The following LHFPL6 variants were observed in gnomAD, a reference collection of about 807,000 sequenced individuals.
LHFPL6 encodes LHFPL tetraspan subfamily member 6 protein.
In LHFPL6, 9 loss-of-function variants were observed where a neutral mutation model predicts 20.6. The ratio of observed to expected loss-of-function variants is 0.44; its 90% CI spans 0.26 to 0.76. The LOEUF is 0.76. Among genes scored for constraint, LHFPL6 ranks in the 30% least tolerant of loss-of-function variants. The pLI, the probability that LHFPL6 is intolerant of heterozygous loss-of-function variation, is 0.20. For synonymous variants in LHFPL6, 105 were observed against 98.7 expected (o/e 1.06, Z -0.38); for missense variants, 218 against 253.5 (o/e 0.86, Z 0.95).
chr13:39,444,255 T>C (rs1028235762), intron 2 of LHFPL6, among the ~76,000 whole-genome samples: 1 of 152,164 alleles, frequency 6.6e-6, no homozygotes, highest in African/African-American at 2.4e-5. Context: ...AGAGAAATGA[T>C]ATAAAAATGG....
At chr13:39,367,151 T>A (rs1174833350) in intron 3 of LHFPL6, among the ~76,000 whole-genome samples, 1 of 152,186 alleles carries the variant, frequency 6.6e-6, no homozygotes, top group Admixed American at 6.5e-5. Flanking sequence ...TGATTTTGAA[T>A]TAGAACTGGT....
At chr13:39,361,943 T>C (rs1869883492) in intron 3 of LHFPL6, among the ~76,000 whole-genome samples, 1 of 152,172 alleles carries the variant, frequency 6.6e-6, no homozygotes, top group South Asian at 2.1e-4. Flanking sequence ...AGGTAGGGAT[T>C]GATAAACCCA....
intron 3 of LHFPL6, among the ~76,000 whole-genome samples, chr13:39,355,223 G>A (rs1869692360): frequency 6.6e-6 from 1 of 151,878 alleles, no homozygotes; most frequent in Non-Finnish European, 1.5e-5. Flanking sequence ...AGCCAGGAGA[G>A]ATTAGGGGCC....
intron 3 of LHFPL6, among the ~76,000 whole-genome samples, chr13:39,348,618 T>C (rs1197632986): frequency 6.6e-6 from 1 of 152,150 alleles, no homozygotes; most frequent in Non-Finnish European, 1.5e-5. Flanking sequence ...AATCCTCATC[T>C]CAGGATGCAC....
At chr13:39,451,689 T>C (rs180859962) in intron 2 of LHFPL6, among the ~76,000 whole-genome samples, 2 of 152,246 alleles carry the variant, frequency 1.3e-5, no homozygotes, top group African/African-American at 2.4e-5. Flanking sequence ...TATCAGCATA[T>C]GTCTCTACTG....
chr13:39,559,346 C>CAT (rs1871401521), intron 2 of LHFPL6, among the ~76,000 whole-genome samples: 1 of 152,186 alleles, frequency 6.6e-6, no homozygotes, highest in Non-Finnish European at 1.5e-5. Flanking sequence ...TGTTTATTCT[C>CAT]ATGTGACTGA....
chr13:39,491,446 C>T (rs1290535354), intron 2 of LHFPL6, among the ~76,000 whole-genome samples: 1 of 152,156 alleles, frequency 6.6e-6, no homozygotes, highest in East Asian at 1.9e-4. Context: ...TTTTAGAGGG[C>T]TCTGAAGGCC....
At chr13:39,501,102 C>A (rs1463716942) in intron 2 of LHFPL6, among the ~76,000 whole-genome samples, 1 of 152,076 alleles carries the variant, frequency 6.6e-6, no homozygotes, top group Non-Finnish European at 1.5e-5. Context: ...AGTGTGGGCA[C>A]CTTTGAGGTC....
chr13:39,592,075 G>A (rs536095344), intron 2 of LHFPL6, among the ~76,000 whole-genome samples: 1 of 149,866 alleles, frequency 6.7e-6, no homozygotes, highest in African/African-American at 2.5e-5. Context: ...CAGCCTGGAC[G>A]ACAAAAGCAA....
At chr13:39,574,259 G>A (rs969465541) in intron 2 of LHFPL6, among the ~76,000 whole-genome samples, 2 of 152,124 alleles carry the variant, frequency 1.3e-5, no homozygotes, top group African/African-American at 4.8e-5. Flanking sequence ...GAGGCGGGCG[G>A]ATCACAAGGT....
intron 2 of LHFPL6, among the ~76,000 whole-genome samples, chr13:39,445,051 T>C (rs1872249421): frequency 1.3e-5 from 2 of 152,216 alleles, no homozygotes; most frequent in East Asian, 3.8e-4. Context: ...CAGAAGTGAA[T>C]TCAGTCCTCT....
At chr13:39,449,032 G>T (rs1009452767) in intron 2 of LHFPL6, among the ~76,000 whole-genome samples, 3 of 152,190 alleles carry the variant, frequency 2.0e-5, no homozygotes, top group Admixed American at 6.5e-5. Context: ...ATGCACAAAT[G>T]GAAACTTATT....
At chr13:39,423,636 A>G (rs575832716) in intron 2 of LHFPL6, among the ~76,000 whole-genome samples, 2 of 152,292 alleles carry the variant, frequency 1.3e-5, no homozygotes, top group African/African-American at 2.4e-5. Context: ...CAAAGGATAC[A>G]TGAGAATCAT....
chr13:39,391,005 A>C (rs748674276), intron 2 of LHFPL6, among the ~76,000 whole-genome samples: 5 of 152,184 alleles, frequency 3.3e-5, no homozygotes, highest in Non-Finnish European at 5.9e-5. Context: ...TCAAAACTAA[A>C]TAAATAAATA....
chr13:39,410,972 A>G (rs982912168), intron 2 of LHFPL6, among the ~76,000 whole-genome samples: 9 of 152,242 alleles, frequency 5.9e-5, no homozygotes, highest in African/African-American at 2.2e-4. Flanking sequence ...TGTATTATAA[A>G]TAAGCGGTTT....
intron 2 of LHFPL6, among the ~76,000 whole-genome samples, chr13:39,442,434 G>T (rs987780775): frequency 9.2e-5 from 14 of 152,154 alleles, no homozygotes; most frequent in African/African-American, 3.4e-4. Flanking sequence ...ACTTTCTGGT[G>T]AGATTCATGT....
chr13:39,412,131 T>C (rs941167230), intron 2 of LHFPL6, among the ~76,000 whole-genome samples: 6 of 152,244 alleles, frequency 3.9e-5, no homozygotes, highest in Non-Finnish European at 7.3e-5. Flanking sequence ...TCAACCGTTA[T>C]ACATTTTTAG....
At chr13:39,562,381 T>TATACATATATACATATATAC (rs1871514995) in intron 2 of LHFPL6, among the ~76,000 whole-genome samples, 1 of 114,496 alleles carries the variant, frequency 8.7e-6, no homozygotes, top group African/African-American at 2.9e-5. Context: ...TATACATATA[T>TATACATATATACATATATAC]ACATATACAT....
At chr13:39,372,004 T>C (rs527750890) in intron 3 of LHFPL6, among the ~76,000 whole-genome samples, 1 of 152,362 alleles carries the variant, frequency 6.6e-6, no homozygotes, top group South Asian at 2.1e-4. Context: ...AGCCTACAGA[T>C]GGCGGATGGT....
Sources: allele counts gnomAD v4.1 joint callset (sites outside exome capture counted in the v4.1 genomes callset), GRCh38; gene constraint gnomAD v4.1.1; transcripts MANE v1.5; gene names NCBI Gene and HGNC (gene_info 2026-07-23, HGNC 2026-07-21).